PLCB1: variants seen among roughly 807,000 people sequenced by gnomAD.
The protein encoded by PLCB1 is phospholipase C beta 1.
In PLCB1, 46 loss-of-function variants were observed where a neutral mutation model predicts 161.8. The observed-to-expected ratio is 0.28, with a 90% CI of 0.22 to 0.36. The LOEUF (loss-of-function observed/expected upper bound fraction) is 0.36, where lower values mean the gene tolerates loss of function less well. Among genes scored for constraint, PLCB1 ranks in the 10% least tolerant of loss-of-function variants. The pLI is 1.00. For synonymous variants in PLCB1, 517 were observed against 503.7 expected (o/e 1.03, Z -0.35); for missense variants, 1,016 against 1,472.5 (o/e 0.69, Z 5.07).
At chr20:8,364,479 T>C (rs932236945) in intron 2 of PLCB1, among the ~76,000 whole-genome samples, 3 of 152,204 alleles carry the variant, frequency 2.0e-5, no homozygotes, top group African/African-American at 4.8e-5. Context: ...GCTGTATTAA[T>C]GAACTTTCAG....
chr20:8,695,235 CT>C (rs1223069031), intron 10 of PLCB1, among the ~76,000 whole-genome samples: 2 of 152,140 alleles, frequency 1.3e-5, no homozygotes, highest in East Asian at 3.8e-4. Flanking sequence ...AAATGTCATC[CT>C]TTTGTTATGC....
intron 2 of PLCB1, among the ~76,000 whole-genome samples, chr20:8,190,230 C>A (rs2123107511): frequency 6.6e-6 from 1 of 152,138 alleles, no homozygotes; most frequent in East Asian, 1.9e-4. Context: ...ATTCCTAATG[C>A]CCTTTTTGTG....
intron 31 of PLCB1, among the ~76,000 whole-genome samples, chr20:8,816,044 G>T (rs1985072087): frequency 6.6e-6 from 1 of 152,026 alleles, no homozygotes; most frequent in South Asian, 2.1e-4. Context: ...TAAAACAGTG[G>T]CAAAGAATAT....
At chr20:8,432,983 C>T (rs1297856189) in intron 3 of PLCB1, among the ~76,000 whole-genome samples, 2 of 152,220 alleles carry the variant, frequency 1.3e-5, no homozygotes, top group African/African-American at 4.8e-5. Flanking sequence ...CACGTGGTAT[C>T]CATTTATCAG....
At chr20:8,765,080 C>A in intron 25 of PLCB1, 59 bp from the exon 26 acceptor site, 1 of 1,360,702 alleles carries the variant, frequency 7.3e-7, no homozygotes. Flanking sequence ...AGCCGCTCTT[C>A]TTTCCATCTG....
intron 3 of PLCB1, among the ~76,000 whole-genome samples, chr20:8,419,749 T>A (rs1468299008): frequency 6.6e-6 from 1 of 152,174 alleles, no homozygotes; most frequent in Non-Finnish European, 1.5e-5. Context: ...TAGAGAAGCA[T>A]TTTTATTATA....
intron 2 of PLCB1, among the ~76,000 whole-genome samples, chr20:8,323,330 G>T (rs1238496242): frequency 6.6e-6 from 1 of 152,124 alleles, no homozygotes; most frequent in East Asian, 1.9e-4. Context: ...ACCATCATTT[G>T]TTGTTATTAT....
rs1044577922 is a variant in PLCB1 at position 8,811,728 on chromosome 20, A to G, written c.3423+21467A>G. 2.6e-5 allele frequency among the ~76,000 whole-genome samples: 4 copies of G among 152,246 alleles called. No individual in the cohort carries two copies. The East Asian group carries it at 5.8e-4, about 22-fold the overall frequency. On this transcript the variant is annotated intron_variant, in intron 31 of 31. Coordinates refer to ENST00000338037, the MANE Select transcript of PLCB1 (RefSeq NM_015192.4). ...CAGCAATACTTACACAACTTACATC[A>G]TGATCGTCAGAGCCGATACAGAAAG...
intron 27 of PLCB1, among the ~76,000 whole-genome samples, chr20:8,775,185 G>A (rs952228247): frequency 6.7e-6 from 1 of 149,516 alleles, no homozygotes; most frequent in African/African-American, 2.5e-5. Context: ...TGGCCAACAC[G>A]GAATGTTGGC....
At chr20:8,273,873 A>C (rs1982401018) in intron 2 of PLCB1, among the ~76,000 whole-genome samples, 1 of 152,186 alleles carries the variant, frequency 6.6e-6, no homozygotes, top group Admixed American at 6.5e-5. Context: ...TTCCATATAA[A>C]GTGTACTTGG....
chr20:8,653,991 ATGTT>A (rs564957251), intron 7 of PLCB1, among the ~76,000 whole-genome samples: 7 of 152,184 alleles, frequency 4.6e-5, no homozygotes, highest in Non-Finnish European at 7.4e-5. Context: ...TCATAGAACT[ATGTT>A]TGATATACTG....
intron 2 of PLCB1, among the ~76,000 whole-genome samples, chr20:8,277,729 G>A (rs1003089939): frequency 6.6e-6 from 1 of 152,082 alleles, no homozygotes; most frequent in African/African-American, 2.4e-5. Flanking sequence ...GAGAAATATG[G>A]ATTTAAAAGG....
At chr20:8,187,256 A>G (rs1409050989) in intron 2 of PLCB1, among the ~76,000 whole-genome samples, 1 of 152,016 alleles carries the variant, frequency 6.6e-6, no homozygotes, top group East Asian at 1.9e-4. Context: ...CCCCATGATG[A>G]ACTTATGATC....
intron 31 of PLCB1, among the ~76,000 whole-genome samples, chr20:8,793,525 G>A (rs998306526): frequency 3.0e-5 from 4 of 134,412 alleles, no homozygotes; most frequent in East Asian, 2.4e-4. Context: ...GACATCACAC[G>A]TTGGTAGGAT....
At chr20:8,177,475 C>T (rs2051795430) in intron 2 of PLCB1, among the ~76,000 whole-genome samples, 1 of 152,076 alleles carries the variant, frequency 6.6e-6, no homozygotes, top group Non-Finnish European at 1.5e-5. Context: ...AATATGACTG[C>T]TCTGGGAGAA....
chr20:8,636,536 AG>A (rs1278521458), intron 4 of PLCB1, among the ~76,000 whole-genome samples: 2 of 152,364 alleles, frequency 1.3e-5, no homozygotes, highest in African/African-American at 4.8e-5. Flanking sequence ...ATAAGTCAAA[AG>A]AAAGACATTC....
chr20:8,237,486 C>T (rs1265088658), intron 2 of PLCB1, among the ~76,000 whole-genome samples: 1 of 152,038 alleles, frequency 6.6e-6, no homozygotes, highest in African/African-American at 2.4e-5. Flanking sequence ...AATTTACTTA[C>T]TTGTACTTGC....
chr20:8,484,768 T>A (rs1484804760), intron 3 of PLCB1, among the ~76,000 whole-genome samples: 1 of 152,220 alleles, frequency 6.6e-6, no homozygotes, highest in Non-Finnish European at 1.5e-5. Flanking sequence ...TGCTTTCTTT[T>A]CTTCAGATCA....
intron 3 of PLCB1, chr20:8,625,386 C>T (rs758827392): frequency 1.1e-4 from 17 of 151,968 alleles, no homozygotes; most frequent in Admixed American, 3.3e-4. Flanking sequence ...AAAATAGATA[C>T]GTTATTGAGT....
Sources: allele counts gnomAD v4.1 joint callset (sites outside exome capture counted in the v4.1 genomes callset), GRCh38; gene constraint gnomAD v4.1.1; transcripts MANE v1.5; gene names NCBI Gene and HGNC (gene_info 2026-07-23, HGNC 2026-07-21).